The following SLC11A2 variants were observed in gnomAD, a reference collection of about 807,000 sequenced individuals.
SLC11A2 encodes the protein solute carrier family 11 member 2.
SLC11A2 carries 38 observed loss-of-function variants against 68.0 expected under a neutral mutation model. The observed-to-expected ratio is 0.56, with a 90% confidence interval of 0.43 to 0.73. The LOEUF (loss-of-function observed/expected upper bound fraction) is 0.73, where lower values mean the gene tolerates loss of function less well. Ranked by LOEUF, SLC11A2 falls within the 30% of genes least tolerant of loss-of-function variation. The probability of loss-of-function intolerance (pLI) is 0.00; values close to 1 mark genes in which losing one functional copy is unlikely to be tolerated. For synonymous variants in SLC11A2, 242 were observed against 250.6 expected, an observed-to-expected ratio of 0.97 and a Z score of 0.32; for missense variants, 517 against 690.5, an observed-to-expected ratio of 0.75 and a Z score of 2.82.
chr12:51,027,925 G>A (rs925333783), upstream of SLC11A2, among the ~76,000 whole-genome samples: 5 of 151,216 alleles, frequency 3.3e-5, no homozygotes, highest in African/African-American at 7.3e-5. Context: ...AGTGGGGGGG[G>A]GGGGCTTGGC....
intron 1 of SLC11A2, among the ~76,000 whole-genome samples, chr12:51,012,014 CCTAA>C (rs1943271583): frequency 6.6e-6 from 1 of 152,166 alleles, no homozygotes; most frequent in Admixed American, 6.5e-5. Context: ...CTCAAATCTT[CCTAA>C]GAAAGTAAAG....
At chr12:51,018,342 C>T (rs1079521) in intron 1 of SLC11A2, among the ~76,000 whole-genome samples, 25,465 of 151,454 alleles carry the variant, frequency 0.17, 2,548 homozygotes, top group East Asian at 0.5. Context: ...TGCAGTGAGC[C>T]GAGATCATGC....
At chr12:50,997,082 T>A in intron 8 of SLC11A2, 110 bp from the exon 9 acceptor site, 1 of 854,696 alleles carries the variant, frequency 1.2e-6, no homozygotes, top group Non-Finnish European at 1.9e-6. Context: ...TTCTTCCTTA[T>A]TTTTATATTT....
the SLC11A2 span, among the ~76,000 whole-genome samples, chr12:50,972,946 G>A: frequency 1.3e-5 from 2 of 152,202 alleles, no homozygotes; most frequent in Admixed American, 6.5e-5. Flanking sequence ...GCTGGGGGAG[G>A]GGCGCCCACC....
At chr12:50,990,702 G>A (rs1941062376) in intron 15 of SLC11A2, 93 bp downstream of exon 15, 3 of 1,337,532 alleles carry the variant, frequency 2.2e-6, no homozygotes, top group South Asian at 1.3e-5. Context: ...GAGCCACTGT[G>A]CCCAGCCTGG....
Position 50,992,862 on chromosome 12 carries a change from G to A in SLC11A2, c.1145C>T (p.Ala382Val). ...TCCTGTCATGGTGGAGCTCTGTCCT[G>A]CAGCCAGGATCCCCACTGCCCAAAT... ...LYIWAVGILA[A>V]GQSSTMTGTY... The change falls in exon 12 of 16, where the codon GCA becomes GTA. Residue 382 changes from alanine to valine, a missense_variant. Ala to Val is a moderately conservative substitution (Grantham distance 64). Coordinates refer to ENST00000262052, the MANE Select transcript of SLC11A2 (RefSeq NM_000617.3). 6.2e-7 allele frequency: 1 copy of A among 1,613,946 alleles called. No individual in the cohort carries two copies.
chr12:51,027,177 A>C (rs1332478194), upstream of SLC11A2, among the ~76,000 whole-genome samples: 1 of 3,126 alleles, frequency 3.2e-4, no homozygotes, highest in Non-Finnish European at 3.1e-3. Flanking sequence ...ACTCCGTCTA[A>C]AAAAAAAAAA....
chr12:51,015,914 A>G (rs564472386), intron 1 of SLC11A2, among the ~76,000 whole-genome samples: 1 of 152,160 alleles, frequency 6.6e-6, no homozygotes, highest in Non-Finnish European at 1.5e-5. Context: ...CCTCCCTAGT[A>G]GCTGGGATTA....
chr12:50,995,146 A>G (rs1255858479), intron 10 of SLC11A2: 1 of 240,578 alleles, frequency 4.2e-6, no homozygotes, highest in Non-Finnish European at 8.2e-6. Context: ...CCCCATCTCT[A>G]CTAAAATTAC....
intron 1 of SLC11A2, among the ~76,000 whole-genome samples, chr12:51,021,328 C>T (rs997435057): frequency 6.6e-6 from 1 of 151,996 alleles, no homozygotes; most frequent in East Asian, 1.9e-4. Flanking sequence ...ATTTAACTTA[C>T]AAAACCACAA....
intron 1 of SLC11A2, among the ~76,000 whole-genome samples, chr12:51,018,393 CAA>C (rs1367388386): frequency 7.3e-6 from 1 of 137,226 alleles, no homozygotes. Context: ...GACCCCATCT[CAA>C]AAAAAAAACA....
At chr12:51,026,546 G>A, upstream of SLC11A2, 4 of 349,378 alleles carry the variant, frequency 1.1e-5, no homozygotes, top group Non-Finnish European at 2.1e-5. Context: ...GCACGCGGCG[G>A]CCCCTGGGGC....
chr12:50,957,695 G>A, the SLC11A2 span, among the ~76,000 whole-genome samples: 1 of 151,580 alleles, frequency 6.6e-6, no homozygotes, highest in Non-Finnish European at 1.5e-5. Context: ...GACCAGCCTG[G>A]CCAACATGGC....
At chr12:51,012,895 C>G (rs2136337916) in intron 1 of SLC11A2, among the ~76,000 whole-genome samples, 1 of 152,270 alleles carries the variant, frequency 6.6e-6, no homozygotes, top group South Asian at 2.1e-4. Flanking sequence ...ACAATAGCAC[C>G]TCACCTAAAT....
chr12:51,016,218 T>C (rs937656946), intron 1 of SLC11A2, among the ~76,000 whole-genome samples: 8 of 152,014 alleles, frequency 5.3e-5, no homozygotes, highest in African/African-American at 1.2e-4. Context: ...CTGGGCAACA[T>C]AGAGAAACCC....
the SLC11A2 span, chr12:50,960,874 CT>C: frequency 3.8e-6 from 4 of 1,051,372 alleles, no homozygotes; most frequent in African/African-American, 4.9e-5. Context: ...GAGATGGGGT[CT>C]TGCTATGTTG....
chr12:50,973,350 C>T, the SLC11A2 span, among the ~76,000 whole-genome samples: 1 of 152,182 alleles, frequency 6.6e-6, no homozygotes, highest in African/African-American at 2.4e-5. Flanking sequence ...TGCTGTTCTG[C>T]AGCCTCCACT....
upstream of SLC11A2, among the ~76,000 whole-genome samples, chr12:51,027,180 A>G (rs904075875): frequency 6.6e-6 from 1 of 151,890 alleles, no homozygotes; most frequent in Non-Finnish European, 1.5e-5. Flanking sequence ...CCGTCTAAAA[A>G]AAAAAAAAAA....
Position 50,987,814 on chromosome 12 carries a change from A to G in SLC11A2, c.*511T>C. On this transcript the variant is annotated 3_prime_UTR_variant, in exon 16 of 16. Coordinates refer to ENST00000262052, the MANE Select transcript of SLC11A2 (RefSeq NM_000617.3). ...TAGGTGTCTCTTCATTTTATATTTC[A>G]TATGGATGAAGCTATTCTAGTTGAT... The G allele has an allele frequency of 1.6e-6, 2 of 1,265,226 alleles. No individual in the cohort carries two copies. Among genetic ancestry groups the G allele is most frequent in the South Asian group, 1.3e-5 (1 of 77,016 alleles). The allele number at this position is 1,265,226 out of a possible 1,614,324, so 78.4% of individuals were successfully genotyped here. A position where few individuals can be genotyped will look rare whatever the true frequency, so the allele number is the denominator to read the frequency against.
Sources: allele counts gnomAD v4.1 joint callset (sites outside exome capture counted in the v4.1 genomes callset), GRCh38; gene constraint gnomAD v4.1.1; transcripts MANE v1.5; gene names NCBI Gene and HGNC (gene_info 2026-07-23, HGNC 2026-07-21).